Variants in ANO4 observed in about 807,000 individuals in gnomAD.
The protein encoded by ANO4 is anoctamin-4.
Under a neutral mutation model 141.9 loss-of-function variants are expected in ANO4, and 69 were observed. That is an observed-to-expected ratio of 0.49 (90% CI 0.40 to 0.59). The LOEUF is 0.59. Ranked by LOEUF, ANO4 falls within the 20% of genes least tolerant of loss-of-function variation. The probability of loss-of-function intolerance (pLI) is 0.00; values close to 1 mark genes in which losing one functional copy is unlikely to be tolerated. For synonymous variants in ANO4, 350 were observed against 394.3 expected (o/e 0.89, Z 1.33); for missense variants, 894 against 1,162.2 (o/e 0.77, Z 3.36).
chr12:100,966,464 C>T (rs1489013514), intron 5 of ANO4, among the ~76,000 whole-genome samples: 2 of 152,128 alleles, frequency 1.3e-5, no homozygotes, highest in Admixed American at 1.3e-4. Context: ...ACCTCTGAGG[C>T]ACAGATGCCC....
chr12:100,958,707 G>T (rs73375038), intron 5 of ANO4, among the ~76,000 whole-genome samples: 3,351 of 152,230 alleles, frequency 0.022, 104 homozygotes, highest in African/African-American at 0.074. Flanking sequence ...AATTAGCCAG[G>T]TGTATTGGTG....
chr12:100,762,974 T>TTTTA (rs2032939242), intron 3 of ANO4, among the ~76,000 whole-genome samples: 1 of 152,142 alleles, frequency 6.6e-6, no homozygotes, highest in Non-Finnish European at 1.5e-5. Flanking sequence ...AAGTACTAGA[T>TTTTA]GAGATATTGG....
intron 2 of ANO4, among the ~76,000 whole-genome samples, chr12:100,914,736 T>C (rs1441790217): frequency 6.6e-6 from 1 of 152,206 alleles, no homozygotes; most frequent in Non-Finnish European, 1.5e-5. Context: ...ATTTCCTTTC[T>C]CTCTTCTTCA....
At chr12:100,994,561 A>G (rs563675787) in intron 8 of ANO4, among the ~76,000 whole-genome samples, 47 of 152,372 alleles carry the variant, frequency 3.1e-4, no homozygotes, top group African/African-American at 1.1e-3. Context: ...TGTGCTAGAT[A>G]TAGACAGAAA....
At chr12:100,756,242 G>A (rs1398940567) in intron 3 of ANO4, among the ~76,000 whole-genome samples, 1 of 152,166 alleles carries the variant, frequency 6.6e-6, no homozygotes, top group East Asian at 1.9e-4. Context: ...TTTCAATATT[G>A]TGTGTCCTGA....
intron 9 of ANO4, among the ~76,000 whole-genome samples, chr12:101,029,817 G>A (rs540954001): frequency 1.4e-5 from 2 of 147,684 alleles, no homozygotes; most frequent in Non-Finnish European, 3.0e-5. Context: ...GGCTGAGGCA[G>A]GAGAATTGCT....
chr12:100,828,008 G>A (rs1233434428), intron 1 of ANO4, among the ~76,000 whole-genome samples: 2 of 151,910 alleles, frequency 1.3e-5, no homozygotes, highest in African/African-American at 4.8e-5. Flanking sequence ...TATATCTAGA[G>A]TCTTAGTTCC....
intron 1 of ANO4, among the ~76,000 whole-genome samples, chr12:100,801,825 G>T (rs2034714705): frequency 6.6e-6 from 1 of 152,148 alleles, no homozygotes; most frequent in South Asian, 2.1e-4. Context: ...ATGGTATCAG[G>T]AACTCTAAAT....
intron 2 of ANO4, among the ~76,000 whole-genome samples, chr12:100,912,862 A>C (rs2136071609): frequency 6.6e-6 from 1 of 152,340 alleles, no homozygotes; most frequent in Middle Eastern, 3.4e-3. Context: ...ATTGCATTGA[A>C]GGTGAATGTG....
At chr12:100,945,291 A>G (rs891140292) in intron 5 of ANO4, among the ~76,000 whole-genome samples, 1 of 152,222 alleles carries the variant, frequency 6.6e-6, no homozygotes, top group Non-Finnish European at 1.5e-5. Context: ...AATTCATGAT[A>G]AAAGTGAGGA....
intron 5 of ANO4, among the ~76,000 whole-genome samples, chr12:100,953,836 A>G (rs138452228): frequency 1.1e-3 from 167 of 152,236 alleles, no homozygotes; most frequent in Non-Finnish European, 5.4e-4. Context: ...ATTCCTATGC[A>G]GGCTGGCATG....
At chr12:100,833,083 G>T (rs1336433906) in intron 1 of ANO4, among the ~76,000 whole-genome samples, 1 of 152,080 alleles carries the variant, frequency 6.6e-6, no homozygotes, top group East Asian at 1.9e-4. Context: ...GTGAACACTA[G>T]AACTTCCATA....
chr12:100,939,378 A>C lies in ANO4; in HGVS notation c.224A>C (p.Asp75Ala), dbSNP rs762725698. 6.2e-7 allele frequency: 1 copy of C among 1,613,804 alleles called. No homozygotes were observed. Among genetic ancestry groups the C allele is most frequent in the Admixed American group, 1.7e-5 (1 of 60,012 alleles). ...LEAVSSPCKD[D>A]DSLLHPGNLT... ...GCTGTCAGCAGTCCTTGCAAAGATG[A>C]CGATTCTCTTCTTCACCCTGGAAAC... The change falls in exon 4 of 28, where the codon GAC becomes GCC. Residue 75 changes from aspartate (D) to alanine (A), a missense_variant. By Grantham distance (126) the Asp-to-Ala change is moderately radical. Transcript: ENST00000392977.
At chr12:101,060,726 G>T (rs1388683582) in intron 14 of ANO4, among the ~76,000 whole-genome samples, 3 of 151,320 alleles carry the variant, frequency 2.0e-5, no homozygotes, top group Non-Finnish European at 4.4e-5. Flanking sequence ...CTTTCCATTT[G>T]CTTGGTAAAT....
intron 5 of ANO4, among the ~76,000 whole-genome samples, chr12:100,961,156 C>G (rs2043401804): frequency 6.6e-6 from 1 of 152,118 alleles, no homozygotes. Flanking sequence ...CAATTAGGGC[C>G]TATGCACTAG....
intron 2 of ANO4, among the ~76,000 whole-genome samples, chr12:100,918,206 A>G (rs770754422): frequency 2.6e-5 from 4 of 152,180 alleles, no homozygotes; most frequent in Non-Finnish European, 4.4e-5. Context: ...GCGCACCTGT[A>G]GCCCTTGGCT....
intron 1 of ANO4, among the ~76,000 whole-genome samples, chr12:100,721,937 CCT>C (rs1441450011): frequency 6.6e-6 from 1 of 151,562 alleles, no homozygotes; most frequent in African/African-American, 2.4e-5. Context: ...CCTGCCTTGG[CCT>C]CTCAAATCCC....
At chr12:100,776,694 C>A (rs929257192) in intron 3 of ANO4, among the ~76,000 whole-genome samples, 1 of 152,168 alleles carries the variant, frequency 6.6e-6, no homozygotes, top group South Asian at 2.1e-4. Flanking sequence ...TCTCCTTCAC[C>A]TTTAGGGCCC....
intron 2 of ANO4, among the ~76,000 whole-genome samples, chr12:100,905,804 A>G (rs373523885): frequency 3.7e-4 from 56 of 152,334 alleles, no homozygotes; most frequent in African/African-American, 1.2e-3. Context: ...TGATGTGGGC[A>G]TCAGTGAGAG....
Sources: gnomAD v4.1 joint callset for allele counts (sites outside exome capture counted in the v4.1 genomes callset) on GRCh38, gnomAD v4.1.1 for gene constraint, MANE v1.5 for transcripts, NCBI Gene and HGNC (gene_info 2026-07-23, HGNC 2026-07-21) for gene names.